Variants in FAF1 observed in about 807,000 individuals in gnomAD.
FAF1 encodes the protein FAS-associated factor 1.
Under a neutral mutation model 92.5 loss-of-function variants are expected in FAF1, and 25 were observed. The observed-to-expected ratio is 0.27, with a 90% CI of 0.20 to 0.38. The LOEUF (loss-of-function observed/expected upper bound fraction) is 0.38. Ranked by LOEUF, FAF1 falls within the 10% of genes least tolerant of loss-of-function variation. The pLI is 1.00. For synonymous variants in FAF1, 234 were observed against 273.2 expected (o/e 0.86, Z 1.42); for missense variants, 636 against 793.3 (o/e 0.80, Z 2.38).
At chr1:50,743,402 A>G (rs1323497793) in intron 5 of FAF1, among the ~76,000 whole-genome samples, 3 of 152,102 alleles carry the variant, frequency 2.0e-5, no homozygotes, top group Non-Finnish European at 4.4e-5. Context: ...ATCTCGGCTC[A>G]TGGCAGCCTC....
chr1:50,823,308 G>A (rs80202057), intron 2 of FAF1, among the ~76,000 whole-genome samples: 92 of 152,188 alleles, frequency 6.0e-4, no homozygotes, highest in Non-Finnish European at 1.1e-3. Context: ...GCAATTACTC[G>A]GTACAAAGAA....
At chr1:50,625,052 C>T (rs917641801) in intron 8 of FAF1, among the ~76,000 whole-genome samples, 1 of 152,040 alleles carries the variant, frequency 6.6e-6, no homozygotes, top group Admixed American at 6.6e-5. Context: ...CAGGCGTGCA[C>T]CACCACGCCC....
At chr1:50,708,659 A>G (rs910460186) in intron 6 of FAF1, among the ~76,000 whole-genome samples, 1 of 152,162 alleles carries the variant, frequency 6.6e-6, no homozygotes, top group Non-Finnish European at 1.5e-5. Flanking sequence ...AATAAGTGAC[A>G]CAGACAAAAG....
intron 2 of FAF1, among the ~76,000 whole-genome samples, chr1:50,818,655 C>T (rs1644000918): frequency 1.3e-5 from 2 of 152,148 alleles, no homozygotes; most frequent in South Asian, 4.1e-4. Context: ...TTGAGTCTCC[C>T]TTATCTAAAA....
At chr1:50,674,793 C>G (rs1470390806) in intron 7 of FAF1, among the ~76,000 whole-genome samples, 9 of 152,120 alleles carry the variant, frequency 5.9e-5, no homozygotes, top group Admixed American at 5.9e-4. Flanking sequence ...GCTTCATACT[C>G]TATATTGAAA....
chr1:50,686,645 G>A (rs1399453974), intron 7 of FAF1, among the ~76,000 whole-genome samples: 2 of 151,566 alleles, frequency 1.3e-5, no homozygotes, highest in Non-Finnish European at 2.9e-5. Context: ...GGAGGAACAC[G>A]TATAAACTAT....
At chr1:50,767,574 T>C (rs903114173) in intron 4 of FAF1, among the ~76,000 whole-genome samples, 3 of 152,060 alleles carry the variant, frequency 2.0e-5, no homozygotes, top group Non-Finnish European at 4.4e-5. Context: ...AAGGGACAGG[T>C]AACCTACAAA....
chr1:50,536,611 A>G (rs1036438367), intron 14 of FAF1, among the ~76,000 whole-genome samples: 5 of 152,198 alleles, frequency 3.3e-5, no homozygotes, highest in African/African-American at 7.2e-5. Context: ...ATTTGTTCAC[A>G]TCAGTACTAC....
At chr1:50,817,838 A>G (rs58795848) in intron 2 of FAF1, among the ~76,000 whole-genome samples, 14,379 of 152,200 alleles carry the variant, frequency 0.094, 720 homozygotes, top group African/African-American at 0.13. Flanking sequence ...TCCATGATAC[A>G]TGAATTATAT....
At chr1:50,501,742 G>A (rs1646989603) in intron 15 of FAF1, among the ~76,000 whole-genome samples, 2 of 152,008 alleles carry the variant, frequency 1.3e-5, no homozygotes, top group Admixed American at 6.6e-5. Flanking sequence ...ATACACTGCT[G>A]TTGGGAACGT....
At chr1:50,797,855 A>G (rs1335796992) in intron 3 of FAF1, among the ~76,000 whole-genome samples, 1 of 152,154 alleles carries the variant, frequency 6.6e-6, no homozygotes, top group Non-Finnish European at 1.5e-5. Flanking sequence ...AATAAATATA[A>G]AAATAACACC....
At chr1:50,855,060 C>T (rs1443253726) in intron 2 of FAF1, among the ~76,000 whole-genome samples, 4 of 151,572 alleles carry the variant, frequency 2.6e-5, no homozygotes, top group African/African-American at 4.8e-5. Flanking sequence ...TTTGGATTAG[C>T]GATACTAATA....
chr1:50,852,713 A>C (rs938912282), intron 2 of FAF1, among the ~76,000 whole-genome samples: 1 of 152,182 alleles, frequency 6.6e-6, no homozygotes, highest in Admixed American at 6.5e-5. Context: ...CAGTTTACTT[A>C]ACTTCATTAG....
Position 50,438,641 on chromosome 1 carries a change from A to G in FAF1, c.*2799T>C, listed in dbSNP as rs1274706632. On this transcript the variant is annotated 3_prime_UTR_variant, in exon 19 of 19. Coordinates refer to ENST00000396153, the MANE Select transcript of FAF1 (RefSeq NM_007051.3). ...GAATTAAGACCCTCTCCCACATTCA[A>G]ATGAAAAAGTCTATACTTTGGGGGA... is the stretch of plus-strand genomic sequence containing the variant. 6.6e-6 allele frequency: 1 copy of G among 152,212 alleles called. No homozygotes were observed. The highest frequency in any genetic ancestry group is 1.5e-5 in the Non-Finnish European group (1 of 68,044). 9.4% of individuals were successfully genotyped at this position (152,212 alleles called of 1,614,324 possible). A position where few individuals can be genotyped will look rare whatever the true frequency, so the allele number is the denominator to read the frequency against.
At chr1:50,871,551 T>C (rs570477959) in intron 1 of FAF1, among the ~76,000 whole-genome samples, 1 of 152,334 alleles carries the variant, frequency 6.6e-6, no homozygotes, top group South Asian at 2.1e-4. Flanking sequence ...CTATTCTGCC[T>C]GTGCTCTCTA....
intron 15 of FAF1, among the ~76,000 whole-genome samples, chr1:50,530,723 C>T (rs945462270): frequency 9.2e-5 from 14 of 152,090 alleles, no homozygotes; most frequent in East Asian, 1.9e-4. Flanking sequence ...GCATTGCATG[C>T]CTGTATCAAA....
chr1:50,529,425 G>C (rs1360545467), intron 15 of FAF1, among the ~76,000 whole-genome samples: 1 of 152,126 alleles, frequency 6.6e-6, no homozygotes, highest in Non-Finnish European at 1.5e-5. Flanking sequence ...CTAATAAATT[G>C]TAACAGATGT....
intron 12 of FAF1, among the ~76,000 whole-genome samples, chr1:50,576,286 T>G (rs1332138120): frequency 1.3e-5 from 2 of 152,208 alleles, no homozygotes; most frequent in African/African-American, 4.8e-5. Context: ...CATTACTTGT[T>G]TAGGGCCACA....
intron 1 of FAF1, among the ~76,000 whole-genome samples, chr1:50,880,420 A>C (rs1644602546): frequency 6.6e-6 from 1 of 152,206 alleles, no homozygotes. Flanking sequence ...CTAACTCCCA[A>C]TGTGGCTGGC....
Sources: gnomAD v4.1 joint callset for allele counts (sites outside exome capture counted in the v4.1 genomes callset) on GRCh38, gnomAD v4.1.1 for gene constraint, MANE v1.5 for transcripts, NCBI Gene and HGNC (gene_info 2026-07-23, HGNC 2026-07-21) for gene names.